The following SULT6B1 variants were observed in gnomAD, a reference collection of about 807,000 sequenced individuals.
The protein encoded by SULT6B1 is sulfotransferase family 6B member 1.
In SULT6B1, 44 loss-of-function variants were observed where a neutral mutation model predicts 37.2. The observed-to-expected ratio is 1.18, with a 90% confidence interval of 0.93 to 1.52. SULT6B1 has a LOEUF of 1.52. SULT6B1 is among the 40% of genes most tolerant of loss of function. The pLI is 0.00. For missense variants in SULT6B1, 450 were observed against 361.0 expected (o/e 1.25, Z -2.00); for synonymous variants, 140 against 126.0 (o/e 1.11, Z -0.74).
At chr2:37,187,910 A>T (rs1676708131) in intron 1 of SULT6B1, among the ~76,000 whole-genome samples, 2 of 152,218 alleles carry the variant, frequency 1.3e-5, no homozygotes, top group African/African-American at 4.8e-5. Flanking sequence ...ACAACAGTAG[A>T]AAGAATCAAA....
chr2:37,188,530 G>A lies in SULT6B1; in HGVS notation c.111C>T (p.Ile37=), dbSNP rs1676720921. ...FFTYQGIPYP[I]TMCTSETFQA... ...GGAAAGTTTCTGAGGTGCACATGGTGATGGGGTAAGGAATCCCCTGATAGG... is the reference window on the plus strand; with the variant it reads ...GGAAAGTTTCTGAGGTGCACATGGTAATGGGGTAAGGAATCCCCTGATAGG... The change falls in exon 1 of 7, where the codon ATC becomes ATT. Residue 37 remains isoleucine, a synonymous_variant. Transcript: ENST00000535679. 1 of 1,614,146 alleles carries A rather than the reference G, an allele frequency of 6.2e-7. No individual in the cohort carries two copies. Among genetic ancestry groups the A allele is most frequent in the Admixed American group, 1.7e-5 (1 of 60,026 alleles).
rs200318677 is a variant in SULT6B1, at chr2:37,167,932, G to T, written c.*3C>A. The T allele has an allele frequency of 3.8e-6, 6 of 1,575,360 alleles. No individual in the cohort carries two copies. The highest frequency in any genetic ancestry group is 5.1e-6 in the Non-Finnish European group (6 of 1,168,944). On this transcript the variant is annotated 3_prime_UTR_variant, in exon 7 of 7. Coordinates refer to ENST00000535679, the MANE Select transcript of SULT6B1 (RefSeq NM_001367551.1). Reference sequence around the variant, plus strand: ...AAATCTAGGCCTGCTGAATTGACTGGAATCAACCCTGGCAATATGATTCAT... The same window carrying T: ...AAATCTAGGCCTGCTGAATTGACTGTAATCAACCCTGGCAATATGATTCAT...
intron 5 of SULT6B1, among the ~76,000 whole-genome samples, chr2:37,172,902 GA>G (rs1490365806): frequency 6.6e-6 from 1 of 151,350 alleles, no homozygotes; most frequent in Non-Finnish European, 1.5e-5. Context: ...GCCCACGCTG[GA>G]GTGCAATGGC....
upstream of SULT6B1, chr2:37,190,040 T>C (rs955091280): frequency 6.6e-6 from 1 of 152,236 alleles, no homozygotes; most frequent in African/African-American, 2.4e-5. Flanking sequence ...GTAACAGGCC[T>C]CGTTCTGACC....
At chr2:37,178,648 A>C (rs1475488467) in intron 4 of SULT6B1, among the ~76,000 whole-genome samples, 1 of 152,240 alleles carries the variant, frequency 6.6e-6, no homozygotes, top group African/African-American at 2.4e-5. Flanking sequence ...CTACTTTAGC[A>C]CCTGGAGCAT....
At chr2:37,168,089 A>G (rs1676218536) in intron 6 of SULT6B1, 24 bp from the exon 7 acceptor site, 6 of 1,555,448 alleles carry the variant, frequency 3.9e-6, no homozygotes, top group Non-Finnish European at 8.6e-7. Context: ...AAAACAGTAG[A>G]CCCAGATATC....
rs745835555 is a variant in SULT6B1 at position 37,187,486 on chromosome 2, A to G, written c.200-19T>C. 1.3e-5 allele frequency: 19 copies of G among 1,476,480 alleles called. No individual in the cohort carries two copies. In the East Asian group the frequency reaches 4.4e-4, roughly 34 times the overall value. 91.5% of individuals were successfully genotyped at this position (1,476,480 alleles called of 1,614,324 possible). A position where few individuals can be genotyped will look rare whatever the true frequency, so the allele number is the denominator to read the frequency against. On this transcript the variant is annotated intron_variant, in intron 1 of 6. Coordinates refer to ENST00000535679, the MANE Select transcript of SULT6B1 (RefSeq NM_001367551.1). The stretch of plus-strand genomic sequence containing the variant: ...TTTGAACCTATCAGAAAAATCAGAG[A>G]ATAAAAACTCATTACGGAGTCTTGA...
intron 1 of SULT6B1, chr2:37,194,879 C>CCCTCCCTCCCTTCCTT (rs1558455698): frequency 7.5e-5 from 3 of 39,918 alleles, no homozygotes; most frequent in Non-Finnish European, 1.6e-4. Context: ...CTCCCTCCCT[C>CCCTCCCTCCCTTCCTT]CCTTCCTTCC....
intron 6 of SULT6B1, 111 bp from the exon 7 acceptor site, chr2:37,168,176 A>G (rs927494845): frequency 7.2e-6 from 8 of 1,115,120 alleles, no homozygotes; most frequent in Non-Finnish European, 9.8e-6. Flanking sequence ...GACACATGGA[A>G]AAAAGCTTTA....
chr2:37,190,908 AC>A (rs1466189311), upstream of SULT6B1, among the ~76,000 whole-genome samples: 1 of 152,144 alleles, frequency 6.6e-6, no homozygotes, highest in Non-Finnish European at 1.5e-5. Flanking sequence ...GGGGCTCTGC[AC>A]TTGGTTTGTT....
At position 37,179,733 on chromosome 2, in the gene SULT6B1, A is replaced by G; in HGVS notation, c.403-149T>C. The G allele has an allele frequency of 4.6e-6, 3 of 653,146 alleles. No homozygotes were observed. The Middle Eastern group carries it at 1.3e-3, about 274-fold the overall frequency. The allele number at this position is 653,146 out of a possible 1,614,324, so 40.5% of individuals were successfully genotyped here. On this transcript the variant is annotated intron_variant, in intron 3 of 6. Coordinates refer to ENST00000535679, the MANE Select transcript of SULT6B1 (RefSeq NM_001367551.1). ...GAATGACAGTAGGAAACTGAGGAACAGGAGGTGGCTGATGGGGAAATCTGG... is the reference window on the plus strand; with the variant it reads ...GAATGACAGTAGGAAACTGAGGAACGGGAGGTGGCTGATGGGGAAATCTGG...
At chr2:37,182,580 C>T (rs994818246) in intron 3 of SULT6B1, among the ~76,000 whole-genome samples, 2 of 152,110 alleles carry the variant, frequency 1.3e-5, no homozygotes, top group African/African-American at 4.8e-5. Context: ...CTGCCCACCT[C>T]GGCCTCTCAA....
rs1676721013 is a variant in SULT6B1 at position 37,188,536 on chromosome 2, G to A, written c.105C>T (p.Tyr35=). The change falls in exon 1 of 7, where the codon TAC becomes TAT. Residue 35 remains tyrosine, a synonymous_variant. Coordinates refer to ENST00000535679, the MANE Select transcript of SULT6B1 (RefSeq NM_001367551.1). The stretch of plus-strand genomic sequence containing the variant: ...TTTCTGAGGTGCACATGGTGATGGG[G>A]TAAGGAATCCCCTGATAGGTGAAAA... ...HLFFTYQGIP[Y]PITMCTSETF... The A allele has an allele frequency of 3.7e-6, 6 of 1,613,988 alleles. No homozygotes were observed. The highest frequency in any genetic ancestry group is 5.1e-6 in the Non-Finnish European group (6 of 1,179,846).
chr2:37,169,385 C>T (rs1303957588), intron 6 of SULT6B1, among the ~76,000 whole-genome samples: 2 of 152,160 alleles, frequency 1.3e-5, no homozygotes, highest in East Asian at 3.8e-4. Flanking sequence ...TGTTTATTAG[C>T]TATGTGACAA....
intron 4 of SULT6B1, among the ~76,000 whole-genome samples, chr2:37,178,264 G>A (rs1168387056): frequency 6.6e-6 from 1 of 151,506 alleles, no homozygotes; most frequent in Non-Finnish European, 1.5e-5. Flanking sequence ...TTGAGTTGGA[G>A]TTTTGCTCTG....
chr2:37,180,122 C>A (rs1676518501), intron 3 of SULT6B1, among the ~76,000 whole-genome samples: 1 of 152,134 alleles, frequency 6.6e-6, no homozygotes, highest in Non-Finnish European at 1.5e-5. Flanking sequence ...TCGTAAAGAA[C>A]AAACTGAAAC....
Position 37,167,852 on chromosome 2 carries a change from T to C in SULT6B1, c.*83A>G. The C allele has an allele frequency of 1.7e-6, 2 of 1,191,290 alleles. No individual in the cohort carries two copies. Among genetic ancestry groups the C allele is most frequent in the East Asian group, 3.2e-5 (1 of 31,554 alleles). 73.8% of individuals were successfully genotyped at this position (1,191,290 alleles called of 1,614,324 possible). On this transcript the variant is annotated 3_prime_UTR_variant, in exon 7 of 7. Transcript: ENST00000535679. The stretch of plus-strand genomic sequence containing the variant: ...TCAATATTGTTTAATTATTATTTGA[T>C]TATTTGATTGAATTATCATTTAATT...
At chr2:37,190,039 C>G (rs909880161), upstream of SULT6B1, 17 of 152,216 alleles carry the variant, frequency 1.1e-4, no homozygotes, top group Admixed American at 8.5e-4. Flanking sequence ...TGTAACAGGC[C>G]TCGTTCTGAC....
Position 37,179,549 on chromosome 2 carries a change from T to G in SULT6B1, c.438A>C (p.Ala146=). The G allele has an allele frequency of 6.2e-7, 1 of 1,613,326 alleles. No individual in the cohort carries two copies. Among genetic ancestry groups the G allele is most frequent in the African/African-American group, 1.3e-5 (1 of 75,046 alleles). The change falls in exon 4 of 7, where the codon GCA becomes GCC. Residue 146 remains alanine (A), a synonymous_variant. Coordinates refer to ENST00000535679, the MANE Select transcript of SULT6B1 (RefSeq NM_001367551.1). ...LVIFRNPKDT[A]VSFLHFHNDV... is the part of the protein sequence containing the mutation. ...CGTTGTGGAAATGCAAAAAAGATACTGCTGTATCTTTAGGGTTTCGAAATA... is the reference window on the plus strand; with the variant it reads ...CGTTGTGGAAATGCAAAAAAGATACGGCTGTATCTTTAGGGTTTCGAAATA...
Sources: gnomAD v4.1 joint callset for allele counts (sites outside exome capture counted in the v4.1 genomes callset) on GRCh38, gnomAD v4.1.1 for gene constraint, MANE v1.5 for transcripts, NCBI Gene and HGNC (gene_info 2026-07-23, HGNC 2026-07-21) for gene names.